The following FOXP1 variants were observed in gnomAD, a reference collection of about 807,000 sequenced individuals.
FOXP1 encodes forkhead box P1, also known as forkhead box protein P1.
A neutral mutation model predicts 98.2 loss-of-function variants in FOXP1; 15 were observed. The observed-to-expected ratio is 0.15, with a 90% confidence interval of 0.10 to 0.24. The LOEUF (loss-of-function observed/expected upper bound fraction) is 0.24. Among genes scored for constraint, FOXP1 ranks in the 10% least tolerant of loss-of-function variants. FOXP1 has a pLI of 1.00. For synonymous variants in FOXP1, 371 were observed against 314.5 expected, an observed-to-expected ratio of 1.18 and a Z score of -1.90; for missense variants, 633 against 848.5, an observed-to-expected ratio of 0.75 and a Z score of 3.15.
At chr3:71,011,085 T>C (rs547398357) in intron 12 of FOXP1, among the ~76,000 whole-genome samples, 1 of 152,292 alleles carries the variant, frequency 6.6e-6, no homozygotes, top group South Asian at 2.1e-4. Flanking sequence ...GTTAAAATCA[T>C]GTTGTAGAGG....
At chr3:71,371,854 C>T (rs1242849393) in intron 3 of FOXP1, among the ~76,000 whole-genome samples, 1 of 152,126 alleles carries the variant, frequency 6.6e-6, no homozygotes, top group African/African-American at 2.4e-5. Context: ...CACTCCCTAC[C>T]TCCTTCTCTA....
At chr3:71,491,489 A>C (rs1314831857) in intron 3 of FOXP1, among the ~76,000 whole-genome samples, 1 of 152,126 alleles carries the variant, frequency 6.6e-6, no homozygotes, top group African/African-American at 2.4e-5. Flanking sequence ...CAGCTCTAAA[A>C]TTTCATGACT....
intron 3 of FOXP1, among the ~76,000 whole-genome samples, chr3:71,428,574 T>C (rs916381173): frequency 6.6e-6 from 1 of 152,262 alleles, no homozygotes; most frequent in Non-Finnish European, 1.5e-5. Flanking sequence ...GCCTGCCTTC[T>C]GGTTTTTAAT....
intron 2 of FOXP1, among the ~76,000 whole-genome samples, chr3:71,527,468 C>T (rs2043482757): frequency 6.6e-6 from 1 of 152,204 alleles, no homozygotes. Flanking sequence ...TCAATGTCCA[C>T]ATCCAAGCTG....
At chr3:71,078,747 G>A (rs1446165898) in intron 7 of FOXP1, among the ~76,000 whole-genome samples, 5 of 151,610 alleles carry the variant, frequency 3.3e-5, no homozygotes, top group African/African-American at 9.7e-5. Context: ...GCCTCCAAAG[G>A]CTCTTCACTG....
chr3:71,192,186 G>T (rs2063022704), intron 6 of FOXP1, among the ~76,000 whole-genome samples: 1 of 152,110 alleles, frequency 6.6e-6, no homozygotes, highest in East Asian at 1.9e-4. Flanking sequence ...AGCTACAACG[G>T]GAAAGGCCAA....
chr3:71,174,881 G>A (rs1411250406), intron 6 of FOXP1, among the ~76,000 whole-genome samples: 1 of 150,494 alleles, frequency 6.6e-6, no homozygotes, highest in African/African-American at 2.5e-5. Context: ...GGACACAGCA[G>A]ATTGCAGGTA....
chr3:71,331,071 G>A (rs1477549931), intron 4 of FOXP1, among the ~76,000 whole-genome samples: 1 of 152,250 alleles, frequency 6.6e-6, no homozygotes, highest in Non-Finnish European at 1.5e-5. Context: ...TGCACTGTGG[G>A]AGGCCCTTTC....
At chr3:71,031,737 C>G (rs2046895096) in intron 11 of FOXP1, among the ~76,000 whole-genome samples, 2 of 151,750 alleles carry the variant, frequency 1.3e-5, no homozygotes, top group South Asian at 2.1e-4. Context: ...AACAAACAAA[C>G]AAACAAACAA....
chr3:71,059,936 AAAAT>A (rs1290936799), intron 7 of FOXP1, among the ~76,000 whole-genome samples: 1 of 152,148 alleles, frequency 6.6e-6, no homozygotes, highest in Non-Finnish European at 1.5e-5. Context: ...ATACATGATT[AAAAT>A]AAATAAAAGA....
chr3:70,958,210 G>GAAA lies in FOXP1; in HGVS notation c.*1034_*1036dup. ...AATGGTTGCTGCAAAAAAAAAAAAA[G>GAAA]AAAAGAAAAGAAAAAAAGAAAATCC... On this transcript the variant is annotated 3_prime_UTR_variant, in exon 21 of 21. Coordinates refer to ENST00000649528, the MANE Select transcript of FOXP1 (RefSeq NM_001349338.3). 2.5e-6 allele frequency: 1 copy of GAAA among 399,236 alleles called. No individual in the cohort carries two copies. Among genetic ancestry groups the GAAA allele is most frequent in the South Asian group, 2.3e-5 (1 of 44,014 alleles). The allele number at this position is 399,236 out of a possible 1,614,324, so 24.7% of individuals were successfully genotyped here. A position where few individuals can be genotyped will look rare whatever the true frequency, so the allele number is the denominator to read the frequency against.
intron 2 of FOXP1, among the ~76,000 whole-genome samples, chr3:71,566,145 G>A (rs1026935204): frequency 6.6e-6 from 1 of 152,174 alleles, no homozygotes; most frequent in Non-Finnish European, 1.5e-5. Context: ...CATGCACTCA[G>A]CACAGATGTG....
intron 6 of FOXP1, among the ~76,000 whole-genome samples, chr3:71,146,477 G>A (rs1427665586): frequency 6.6e-6 from 1 of 150,974 alleles, no homozygotes; most frequent in Non-Finnish European, 1.5e-5. Flanking sequence ...AAGTTAAGGG[G>A]GAAGAATACA....
At chr3:71,472,570 T>TC (rs1268477756) in intron 3 of FOXP1, among the ~76,000 whole-genome samples, 1 of 152,138 alleles carries the variant, frequency 6.6e-6, no homozygotes, top group African/African-American at 2.4e-5. Flanking sequence ...AGGGAAGACC[T>TC]CTTCTTATTC....
At chr3:70,986,845 G>C (rs2039825694) in intron 14 of FOXP1, among the ~76,000 whole-genome samples, 1 of 152,076 alleles carries the variant, frequency 6.6e-6, no homozygotes, top group South Asian at 2.1e-4. Flanking sequence ...AATGTGTTCT[G>C]TTTCAGACAT....
At chr3:71,357,515 C>T (rs2078245732) in intron 4 of FOXP1, among the ~76,000 whole-genome samples, 1 of 152,204 alleles carries the variant, frequency 6.6e-6, no homozygotes. Context: ...AATGGTTGCT[C>T]AGTAAGCATT....
intron 5 of FOXP1, among the ~76,000 whole-genome samples, chr3:71,252,752 C>G (rs2068304278): frequency 6.6e-6 from 1 of 152,242 alleles, no homozygotes; most frequent in South Asian, 2.1e-4. Flanking sequence ...ACAGCTGTTA[C>G]AGAAAACCTG....
At chr3:71,365,887 G>A in intron 3 of FOXP1, among the ~76,000 whole-genome samples, 1 of 152,206 alleles carries the variant, frequency 6.6e-6, no homozygotes, top group Non-Finnish European at 1.5e-5. Context: ...GGAGGCTGAG[G>A]CAGGAGAATT....
intron 3 of FOXP1, among the ~76,000 whole-genome samples, chr3:71,456,386 G>C (rs1202953253): frequency 1.3e-5 from 2 of 152,092 alleles, no homozygotes; most frequent in South Asian, 2.1e-4. Context: ...GGAAGGTGCC[G>C]GGTTTTCTTG....
Sources: allele counts gnomAD v4.1 joint callset (sites outside exome capture counted in the v4.1 genomes callset), GRCh38; gene constraint gnomAD v4.1.1; transcripts MANE v1.5; gene names NCBI Gene and HGNC (gene_info 2026-07-23, HGNC 2026-07-21).